Variants in RAD51B observed in about 807,000 individuals in gnomAD.
RAD51B encodes the protein RAD51 paralog B, also known as DNA repair protein RAD51 homolog 2.
In RAD51B, 38 loss-of-function variants were observed where a neutral mutation model predicts 42.2. The observed-to-expected ratio is 0.90, with a 90% confidence interval of 0.70 to 1.18. The LOEUF (loss-of-function observed/expected upper bound fraction) is 1.18. RAD51B is among the 50% of genes most tolerant of loss of function. The probability of loss-of-function intolerance (pLI) is 0.00; values close to 1 mark genes in which losing one functional copy is unlikely to be tolerated. For synonymous variants in RAD51B, 154 were observed against 145.2 expected, an observed-to-expected ratio of 1.06 and a Z score of -0.43; for missense variants, 373 against 400.7, an observed-to-expected ratio of 0.93 and a Z score of 0.59.
intron 7 of RAD51B, among the ~76,000 whole-genome samples, chr14:67,982,436 G>A (rs939522821): frequency 2.0e-5 from 3 of 151,958 alleles, no homozygotes; most frequent in Non-Finnish European, 2.9e-5. Flanking sequence ...ATATAACAAT[G>A]AACATATACA....
chr14:68,038,286 A>G (rs1247708028), intron 7 of RAD51B, among the ~76,000 whole-genome samples: 3 of 152,226 alleles, frequency 2.0e-5, no homozygotes, highest in African/African-American at 4.8e-5. Context: ...TATCATAGAA[A>G]ACATTCTTTA....
chr14:68,550,018 A>G (rs1203497829), intron 10 of RAD51B, among the ~76,000 whole-genome samples: 1 of 152,176 alleles, frequency 6.6e-6, no homozygotes, highest in Admixed American at 6.5e-5. Flanking sequence ...TTGTCCTGCT[A>G]CAGAAAAAGA....
chr14:67,918,714 T>C (rs182195812), intron 7 of RAD51B, among the ~76,000 whole-genome samples: 1 of 152,152 alleles, frequency 6.6e-6, no homozygotes, highest in Non-Finnish European at 1.5e-5. Context: ...ATTAGTGGAG[T>C]GTCAGACTTA....
intron 9 of RAD51B, among the ~76,000 whole-genome samples, chr14:68,426,109 C>A (rs1339975681): frequency 6.6e-6 from 1 of 150,522 alleles, no homozygotes; most frequent in Non-Finnish European, 1.5e-5. Flanking sequence ...ACTCTTGTTG[C>A]CTGGGCTGGA....
chr14:68,599,710 TGGTGTTGGCCTTCTTCAC>T (rs1447327543), downstream of RAD51B, among the ~76,000 whole-genome samples: 1 of 152,202 alleles, frequency 6.6e-6, no homozygotes, highest in African/African-American at 2.4e-5. Flanking sequence ...AGTGACATGC[TGGTGTTGGCCTTCTTCAC>T]CATAACTATA....
chr14:68,596,686 C>T (rs181026631), downstream of RAD51B, among the ~76,000 whole-genome samples: 5 of 152,358 alleles, frequency 3.3e-5, no homozygotes, highest in Admixed American at 6.5e-5. Flanking sequence ...GCCTGGCACA[C>T]GCCATTTCTG....
intron 9 of RAD51B, among the ~76,000 whole-genome samples, chr14:68,452,653 T>G (rs759625114): frequency 6.6e-6 from 1 of 151,768 alleles, no homozygotes; most frequent in African/African-American, 2.4e-5. Flanking sequence ...ATGGGGCAAG[T>G]TACTAACTTT....
chr14:68,055,606 A>G (rs578133456), intron 7 of RAD51B, among the ~76,000 whole-genome samples: 6 of 152,322 alleles, frequency 3.9e-5, no homozygotes, highest in Admixed American at 3.3e-4. Flanking sequence ...AAATTAACTC[A>G]AAACATAGTG....
intron 9 of RAD51B, among the ~76,000 whole-genome samples, chr14:68,428,717 A>C (rs1387401372): frequency 4.3e-4 from 1 of 2,316 alleles, no homozygotes; most frequent in Non-Finnish European, 1.5e-3. Context: ...TTATATATAT[A>C]TATATATATA....
chr14:68,116,920 T>C (rs571482704), intron 7 of RAD51B, among the ~76,000 whole-genome samples: 1 of 152,350 alleles, frequency 6.6e-6, no homozygotes, highest in African/African-American at 2.4e-5. Flanking sequence ...TTGAGGAATT[T>C]GTAAGTATTT....
chr14:68,406,738 T>G (rs1257330692), intron 8 of RAD51B, among the ~76,000 whole-genome samples: 3 of 152,280 alleles, frequency 2.0e-5, no homozygotes, highest in Non-Finnish European at 4.4e-5. Context: ...TTTTTAACTT[T>G]TTGATCTTGT....
intron 7 of RAD51B, among the ~76,000 whole-genome samples, chr14:67,902,750 A>G (rs770470087): frequency 3.9e-5 from 6 of 152,148 alleles, no homozygotes; most frequent in Non-Finnish European, 8.8e-5. Flanking sequence ...AGGACCCTGC[A>G]ATTATTAGTT....
chr14:68,482,118 C>G (rs777204909), downstream of RAD51B, among the ~76,000 whole-genome samples: 109 of 51,384 alleles, frequency 2.1e-3, 1 homozygote, highest in Non-Finnish European at 4.6e-3. Flanking sequence ...ATTACTTTTA[C>G]TGAAAGTAAT....
intron 7 of RAD51B, among the ~76,000 whole-genome samples, chr14:68,237,595 C>T (rs1318166760): frequency 1.3e-5 from 2 of 152,168 alleles, no homozygotes; most frequent in Non-Finnish European, 2.9e-5. Context: ...TCTCCTTACT[C>T]CCCATCCCAG....
At chr14:68,625,196 G>A (rs1892049306) in intron 10 of RAD51B, among the ~76,000 whole-genome samples, 1 of 152,048 alleles carries the variant, frequency 6.6e-6, no homozygotes, top group Non-Finnish European at 1.5e-5. Context: ...ATAATGAGGA[G>A]GGAAGGCCAT....
chr14:68,105,790 G>T (rs2077367459), intron 7 of RAD51B, among the ~76,000 whole-genome samples: 1 of 151,856 alleles, frequency 6.6e-6, no homozygotes, highest in Non-Finnish European at 1.5e-5. Flanking sequence ...ACTTTTGTTT[G>T]GTGAAACAAG....
Position 68,227,773 on chromosome 14 carries a change from C to G in RAD51B, c.757-64111C>G, listed in dbSNP as rs138317843. ...TAGTCTGACCATCCTAAGTTCAAAT[C>G]CCTGCTCTAATGTATAATTGGAGGA... On this transcript the variant is annotated intron_variant, in intron 7 of 10. Transcript: ENST00000471583. 5.5e-4 allele frequency among the ~76,000 whole-genome samples: 84 copies of G among 152,262 alleles called. 1 individual carries two copies. In the East Asian group the frequency reaches 0.015, roughly 28 times the overall value.
intron 8 of RAD51B, among the ~76,000 whole-genome samples, chr14:68,411,139 T>A (rs949175618): frequency 1.6e-4 from 25 of 152,264 alleles, no homozygotes; most frequent in African/African-American, 5.8e-4. Context: ...CTAGTAGCAA[T>A]GGCTCTGAGC....
At chr14:68,051,432 G>T (rs2076392208) in intron 7 of RAD51B, among the ~76,000 whole-genome samples, 1 of 152,016 alleles carries the variant, frequency 6.6e-6, no homozygotes, top group Non-Finnish European at 1.5e-5. Flanking sequence ...ATATAAATAT[G>T]CTGTAGGGAA....
Sources: allele counts gnomAD v4.1 joint callset (sites outside exome capture counted in the v4.1 genomes callset), GRCh38; gene constraint gnomAD v4.1.1; transcripts MANE v1.5; gene names NCBI Gene and HGNC (gene_info 2026-07-23, HGNC 2026-07-21).